Variants in ERBB4 observed in about 807,000 individuals in gnomAD.
ERBB4 encodes the protein erb-b2 receptor tyrosine kinase 4, also known as receptor tyrosine-protein kinase erbB-4.
Under a neutral mutation model 158.0 loss-of-function variants are expected in ERBB4, and 42 were observed. The ratio of observed to expected loss-of-function variants is 0.27; its 90% CI spans 0.21 to 0.34. The LOEUF is 0.34. ERBB4 is among the 10% of genes least tolerant of loss of function. ERBB4 has a pLI of 1.00. For synonymous variants in ERBB4, 583 were observed against 558.7 expected (o/e 1.04, Z -0.61); for missense variants, 1,333 against 1,624.1 (o/e 0.82, Z 3.08).
At chr2:212,126,516 A>G (rs2079934588) in intron 1 of ERBB4, among the ~76,000 whole-genome samples, 1 of 151,638 alleles carries the variant, frequency 6.6e-6, no homozygotes, top group Non-Finnish European at 1.5e-5. Flanking sequence ...CCAGATTTTT[A>G]GATACTATTC....
At chr2:212,475,930 C>T (rs1294745531) in intron 1 of ERBB4, among the ~76,000 whole-genome samples, 2 of 152,074 alleles carry the variant, frequency 1.3e-5, no homozygotes, top group South Asian at 2.1e-4. Context: ...GTAATGGACT[C>T]TCTTGCCTTC....
Position 211,516,338 on chromosome 2 carries a change from T to C in ERBB4, c.2487+45565A>G, listed in dbSNP as rs879490780. On this transcript the variant is annotated intron_variant, in intron 20 of 27. Transcript: ENST00000342788. Reference sequence around the variant, plus strand: ...CTTTATTTCTTCCCTTTTTTTTCTTTTTTTTTTCTTTTTTGGACGGAGTCT... The same window carrying C: ...CTTTATTTCTTCCCTTTTTTTTCTTCTTTTTTTCTTTTTTGGACGGAGTCT... Among the ~76,000 whole-genome samples, 5 of 151,584 alleles carry C rather than the reference T, an allele frequency of 3.3e-5. No individual in the cohort carries two copies. The South Asian group carries it at 6.3e-4, about 19-fold the overall frequency.
In ERBB4 at chr2:212,482,321, C is replaced by T. The variant is rs371461849; in HGVS notation, c.82+56128G>A. Among the ~76,000 whole-genome samples, 200 of 152,292 alleles carry T rather than the reference C, an allele frequency of 1.3e-3. 10 individuals carry two copies. The South Asian group carries it at 0.04, about 31-fold the overall frequency. On this transcript the variant is annotated intron_variant, in intron 1 of 27. Coordinates refer to ENST00000342788, the MANE Select transcript of ERBB4 (RefSeq NM_005235.3). ...CTGAGTTTTCTTAGGAAATAGAATACTTCTTCAGCTACTGAGAGAATATGA... is the reference window on the plus strand; with the variant it reads ...CTGAGTTTTCTTAGGAAATAGAATATTTCTTCAGCTACTGAGAGAATATGA...
chr2:211,814,538 A>T (rs1045644550), intron 3 of ERBB4, among the ~76,000 whole-genome samples: 1 of 152,142 alleles, frequency 6.6e-6, no homozygotes, highest in Non-Finnish European at 1.5e-5. Flanking sequence ...TTAAATTACA[A>T]ATACAACCAG....
At chr2:211,946,064 G>T (rs1165249198) in intron 3 of ERBB4, among the ~76,000 whole-genome samples, 2 of 149,292 alleles carry the variant, frequency 1.3e-5, no homozygotes, top group Non-Finnish European at 3.0e-5. Context: ...TATATAAGTA[G>T]CAATTTAGTA....
intron 3 of ERBB4, among the ~76,000 whole-genome samples, chr2:211,899,530 A>C (rs2079180892): frequency 6.6e-6 from 1 of 152,138 alleles, no homozygotes; most frequent in Non-Finnish European, 1.5e-5. Flanking sequence ...TAATTTATTA[A>C]ATTTTTAAAG....
chr2:211,498,278 G>A (rs1186746871), intron 20 of ERBB4, among the ~76,000 whole-genome samples: 1 of 152,042 alleles, frequency 6.6e-6, no homozygotes, highest in East Asian at 1.9e-4. Flanking sequence ...TAGAATGAGT[G>A]TCCTATTCTA....
At chr2:212,262,608 G>A (rs75129903) in intron 1 of ERBB4, among the ~76,000 whole-genome samples, 6,474 of 152,036 alleles carry the variant, frequency 0.043, 365 homozygotes, top group African/African-American at 0.13. Context: ...GCAAAATTTC[G>A]TCTCACAGTG....
intron 3 of ERBB4, among the ~76,000 whole-genome samples, chr2:211,862,858 G>A (rs534198321): frequency 1.3e-5 from 2 of 152,296 alleles, no homozygotes; most frequent in East Asian, 3.9e-4. Flanking sequence ...TGGGGACTTC[G>A]AGAACTTTTC....
intron 2 of ERBB4, among the ~76,000 whole-genome samples, chr2:211,972,685 G>T (rs942083826): frequency 6.6e-6 from 1 of 152,172 alleles, no homozygotes; most frequent in Non-Finnish European, 1.5e-5. Flanking sequence ...ATGGTAGTGG[G>T]ATAACTGGCC....
At chr2:211,984,156 T>C in intron 2 of ERBB4, among the ~76,000 whole-genome samples, 1 of 152,144 alleles carries the variant, frequency 6.6e-6, no homozygotes, top group East Asian at 1.9e-4. Flanking sequence ...GGATGGTGCC[T>C]TCTTGCCATG....
At chr2:212,047,389 G>A (rs1434040791) in intron 2 of ERBB4, among the ~76,000 whole-genome samples, 9 of 152,006 alleles carry the variant, frequency 5.9e-5, no homozygotes, top group Admixed American at 5.9e-4. Context: ...ACACTATTTT[G>A]CAAGAATGAA....
intron 2 of ERBB4, among the ~76,000 whole-genome samples, chr2:212,050,774 T>A (rs943079927): frequency 7.3e-6 from 1 of 137,586 alleles, no homozygotes; most frequent in Non-Finnish European, 1.7e-5. Flanking sequence ...TTTTAGCCTA[T>A]TTTTTTCTTT....
At position 211,742,577 on chromosome 2, in the gene ERBB4, A is replaced by G. The variant is rs2074833191; in HGVS notation, c.622+8062T>C. Among the ~76,000 whole-genome samples the G allele has an allele frequency of 3.0e-5, 4 of 133,462 alleles. No homozygotes were observed. In the Admixed American group the frequency reaches 3.2e-4, roughly 11 times the overall value. The allele number at this position is 133,462 out of a possible 152,430, so 87.6% of individuals were successfully genotyped here. On this transcript the variant is annotated intron_variant, in intron 5 of 27. Transcript: ENST00000342788. ...TTTCTTAAGAATAAATAAAATTCAT[A>G]AGCCAGGCTAAGGTTTTGTTTTTTT...
intron 19 of ERBB4, among the ~76,000 whole-genome samples, chr2:211,606,135 T>G (rs2068971904): frequency 6.6e-6 from 1 of 152,122 alleles, no homozygotes; most frequent in Admixed American, 6.5e-5. Context: ...AATGATAATC[T>G]AATGTAACAA....
chr2:211,860,168 C>T (rs1204461059), intron 3 of ERBB4, among the ~76,000 whole-genome samples: 3 of 152,122 alleles, frequency 2.0e-5, no homozygotes, highest in Admixed American at 6.5e-5. Context: ...TAGAAGAGCT[C>T]TTTCATTACT....
At chr2:211,554,824 T>C (rs2067194272) in intron 20 of ERBB4, among the ~76,000 whole-genome samples, 2 of 152,178 alleles carry the variant, frequency 1.3e-5, no homozygotes, top group African/African-American at 4.8e-5. Context: ...GCTGAACCCA[T>C]ACATGGTAGG....
intron 25 of ERBB4, 60 bp from the exon 26 acceptor site, chr2:211,388,052 TAAAA>T: frequency 3.1e-6 from 4 of 1,303,956 alleles, no homozygotes; most frequent in Non-Finnish European, 4.4e-6. Context: ...ATGAAAAAAT[TAAAA>T]AAAGAAACGA....
At chr2:212,354,097 C>T (rs1235327902) in intron 1 of ERBB4, among the ~76,000 whole-genome samples, 1 of 152,122 alleles carries the variant, frequency 6.6e-6, no homozygotes, top group Non-Finnish European at 1.5e-5. Flanking sequence ...CCTGGCTCAT[C>T]CTTACCAATG....
Sources: allele counts gnomAD v4.1 joint callset (sites outside exome capture counted in the v4.1 genomes callset), GRCh38; gene constraint gnomAD v4.1.1; transcripts MANE v1.5; gene names NCBI Gene and HGNC (gene_info 2026-07-23, HGNC 2026-07-21).